Variants in ABCA7 observed in about 807,000 individuals in gnomAD.
ABCA7 encodes the protein ATP binding cassette subfamily A member 7, also known as phospholipid-transporting ATPase ABCA7.
ABCA7 carries 261 observed loss-of-function variants against 227.6 expected under a neutral mutation model. The observed-to-expected ratio is 1.15, with a 90% CI of 1.04 to 1.27. The LOEUF is 1.27. Ranked by LOEUF, ABCA7 falls within the 50% of genes most tolerant of loss-of-function variation. The pLI, the probability that ABCA7 is intolerant of heterozygous loss-of-function variation, is 0.00. For missense variants in ABCA7, 3,331 were observed against 2,924.5 expected, an observed-to-expected ratio of 1.14 and a Z score of -3.21; for synonymous variants, 1,488 against 1,279.7, an observed-to-expected ratio of 1.16 and a Z score of -3.47.
rs757123110 is a variant in ABCA7, at chr19:1,048,909, C to T, written c.2284C>T (p.Pro762Ser). The change falls in exon 17 of 47, where the codon CCT (proline) becomes TCT (serine). Residue 762 changes from proline to serine, a missense_variant. By Grantham distance (74) the Pro-to-Ser change is moderately conservative. Coordinates refer to ENST00000263094, the MANE Select transcript of ABCA7 (RefSeq NM_019112.4). ...CCTCCCCGCAGGCCAGTACGGGATC[C>T]CTGAACCATGGAATTTTCCTTTTCG... ...EAVCPGQYGI[P>S]EPWNFPFRRS... is the part of the protein sequence containing the mutation. 5 of 1,608,792 alleles carry T rather than the reference C, an allele frequency of 3.1e-6. No homozygotes were observed. In the Admixed American group the frequency reaches 6.7e-5, roughly 22 times the overall value.
At position 1,064,235 on chromosome 19, in the gene ABCA7, C is replaced by G; in HGVS notation, c.6026C>G (p.Pro2009Arg). The change falls in exon 45 of 47, where the codon CCG becomes CGG. Residue 2009 changes from proline to arginine, a missense_variant. By Grantham distance (103) the Pro-to-Arg change is moderately radical. Transcript: ENST00000263094. ...GGGCGGTTCCGCTGCCTGGGCAGCC[C>G]GCAACATCTCAAGGGCAGGTGAGCC... ...VNGRFRCLGS[P>R]QHLKGRFAAG... The G allele has an allele frequency of 6.4e-7, 1 of 1,565,118 alleles. No individual in the cohort carries two copies. Among genetic ancestry groups the G allele is most frequent in the Non-Finnish European group, 8.6e-7 (1 of 1,156,524 alleles).
Position 1,055,112 on chromosome 19 carries a change from A to G in ABCA7, c.3966A>G (p.Glu1322=). ...TTGTCTGCAGGTTCTCGGCACCAGAAGTTCCTGCTGAAGTGGCCAAGGTCT... is the reference window on the plus strand; with the variant it reads ...TTGTCTGCAGGTTCTCGGCACCAGAGGTTCCTGCTGAAGTGGCCAAGGTCT... ...QHSSHRFSAP[E]VPAEVAKVLA... is the part of the protein sequence containing the mutation. The change falls in exon 30 of 47, where the codon GAA becomes GAG. Residue 1322 remains glutamate, a synonymous_variant. Transcript: ENST00000263094. The G allele has an allele frequency of 6.2e-7, 1 of 1,612,186 alleles. No individual in the cohort carries two copies. Among genetic ancestry groups the G allele is most frequent in the South Asian group, 1.1e-5 (1 of 91,028 alleles).
chr19:1,049,212 G>C (rs1194721630), intron 17 of ABCA7, 54 bp from the exon 18 acceptor site: 3 of 1,533,768 alleles, frequency 2.0e-6, no homozygotes, highest in Non-Finnish European at 2.6e-6. Context: ...TGAGGGACTT[G>C]CAGGCCCCAG....
Position 1,042,093 on chromosome 19 carries a change from C to G in ABCA7, c.332C>G (p.Thr111Ser). 6.3e-7 allele frequency: 1 copy of G among 1,597,954 alleles called. No homozygotes were observed. The highest frequency in any genetic ancestry group is 1.1e-5 in the South Asian group (1 of 90,678). Residue 111 changes from threonine (T) to serine (S), a missense_variant, in exon 5 of 47, where the codon ACT (threonine) becomes AGT (serine). By Grantham distance (58) the Thr-to-Ser change is moderately conservative. Coordinates refer to ENST00000263094, the MANE Select transcript of ABCA7 (RefSeq NM_019112.4). ...LVSRLLADAR[T>S]VLGGASAHRT... ...TCCCGGCTGCTAGCCGATGCCCGCA[C>G]TGTGCTGGGAGGGGCCAGTGCCCAC...
intron 42 of ABCA7, among the ~76,000 whole-genome samples, chr19:1,062,956 C>G (rs1968458): frequency 0.54 from 34,859 of 64,830 alleles, 7,345 homozygotes; most frequent in Admixed American, 0.62. Context: ...TGGCCCCGCC[C>G]CATACTCATG....
In ABCA7 at chr19:1,065,188, G is replaced by A. The variant is rs768198243; in HGVS notation, c.6285+17G>A. 6.3e-7 allele frequency: 1 copy of A among 1,595,118 alleles called. No homozygotes were observed. The highest frequency in any genetic ancestry group is 1.3e-5 in the African/African-American group (1 of 74,696). On this transcript the variant is annotated intron_variant, in intron 46 of 46. Transcript: ENST00000263094. ...CTGGAGGAGGTGATCACGGCGCCGG[G>A]GTCGGGCTGGGGGAGGCAGGCTGGG... is the stretch of plus-strand genomic sequence containing the variant.
At chr19:1,062,051 G>C in intron 41 of ABCA7, 121 bp from the exon 42 acceptor site, 1 of 1,497,966 alleles carries the variant, frequency 6.7e-7, no homozygotes, top group Non-Finnish European at 9.0e-7. Context: ...ACCAGGCCCT[G>C]AGACACCCCT....
At chr19:1,043,676 G>A in intron 9 of ABCA7, 49 bp from the exon 10 acceptor site, 2 of 1,583,062 alleles carry the variant, frequency 1.3e-6, no homozygotes, top group Non-Finnish European at 1.7e-6. Context: ...GGTGGGCAGG[G>A]GTCCTCAGAG....
chr19:1,059,863 G>A (rs1381087788), intron 40 of ABCA7, among the ~76,000 whole-genome samples: 1 of 152,168 alleles, frequency 6.6e-6, no homozygotes, highest in Non-Finnish European at 1.5e-5. Flanking sequence ...CGTCTGGCCT[G>A]TGCATTTATC....
chr19:1,043,602 G>A, intron 9 of ABCA7, 123 bp from the exon 10 acceptor site: 1 of 1,560,462 alleles, frequency 6.4e-7, no homozygotes, highest in Non-Finnish European at 8.8e-7. Context: ...GTTAGCCGAT[G>A]GAGGGGGATC....
Position 1,056,218 on chromosome 19 carries a change from G to T in ABCA7, c.4391G>T (p.Ser1464Ile). Residue 1464 changes from serine to isoleucine, a missense_variant, in exon 32 of 47, where the codon AGC becomes ATC. Physicochemically the swap from Ser to Ile is moderately radical, Grantham distance 142. Coordinates refer to ENST00000263094, the MANE Select transcript of ABCA7 (RefSeq NM_019112.4). This position sits in a 1 kb window ranked among gnomAD's most constrained non-coding sequence, Gnocchi z 4.3. ...VLKNLTAWAH[S>I]LDAQDSLKIW... ...AAAAACCTCACAGCCTGGGCTCACA[G>T]CCTGGATGCTCAGGACAGTCTCAAG... 6.2e-7 allele frequency: 1 copy of T among 1,601,058 alleles called. No homozygotes were observed.
chr19:1,056,606 C>A lies in ABCA7; in HGVS notation c.4586+107C>A. 1 of 1,356,152 alleles carries A rather than the reference C, an allele frequency of 7.4e-7. No homozygotes were observed. 84.0% of individuals were successfully genotyped at this position (1,356,152 alleles called of 1,614,324 possible). A position where few individuals can be genotyped will look rare whatever the true frequency, so the allele number is the denominator to read the frequency against. On this transcript the variant is annotated intron_variant, in intron 33 of 46. Transcript: ENST00000263094. This position sits in a 1 kb window ranked among gnomAD's most constrained non-coding sequence, Gnocchi z 4.3. ...GGATTTGAACCCTGACACACTCTTG[C>A]TTTATAAATGGGGGATAGAAACTGT...
Position 1,059,709 on chromosome 19 carries a change from G to A in ABCA7, c.5463+624G>A, listed in dbSNP as rs746886366. ...CTCCCAGGTAGCTGGGACTGCAGGCGCCTGCCATCACGCCTGGCTAATTTT... is the reference window on the plus strand; with the variant it reads ...CTCCCAGGTAGCTGGGACTGCAGGCACCTGCCATCACGCCTGGCTAATTTT... On this transcript the variant is annotated intron_variant, in intron 40 of 46. Coordinates refer to ENST00000263094, the MANE Select transcript of ABCA7 (RefSeq NM_019112.4). Among the ~76,000 whole-genome samples the A allele has an allele frequency of 5.3e-5, 8 of 151,672 alleles. No individual in the cohort carries two copies. In the South Asian group the frequency reaches 6.2e-4, roughly 12 times the overall value.
At position 1,044,590 on chromosome 19, in the gene ABCA7, T is replaced by C. The variant is rs143296441; in HGVS notation, c.1061T>C (p.Met354Thr). Residue 354 changes from methionine to threonine, a missense_variant, in exon 11 of 47, where the codon ATG becomes ACG. Physicochemically the swap from Met to Thr is moderately conservative, Grantham distance 81. Coordinates refer to ENST00000263094, the MANE Select transcript of ABCA7 (RefSeq NM_019112.4). ...NVAMLQRLLQ[M>T]QDEGRRQPRP... ...TGCGCCCCCCAGCGGCTCCTGCAGA[T>C]GCAGGATGAAGGAAGAAGGCAGCCC... 3.7e-4 allele frequency: 596 copies of C among 1,612,190 alleles called. 4 individuals carry two copies. In the East Asian group the frequency reaches 8.2e-3, roughly 22 times the overall value.
At position 1,049,314 on chromosome 19, in the gene ABCA7, G is replaced by A. The variant is rs140454592; in HGVS notation, c.2429G>A (p.Arg810His). The A allele has an allele frequency of 1.4e-5, 22 of 1,611,330 alleles. No individual in the cohort carries two copies. The highest frequency in any genetic ancestry group is 2.2e-5 in the East Asian group (1 of 44,864). The stretch of plus-strand genomic sequence containing the variant: ...GGCCTGAGTCCTGGCGTCTCCGTTC[G>A]CAGCCTGGAGAAGCGCTTTCCTGGA... Reference protein sequence around the residue: ...PPGLSPGVSVRSLEKRFPGSP... With the variant: ...PPGLSPGVSVHSLEKRFPGSP... The change falls in exon 18 of 47, where the codon CGC (arginine) becomes CAC (histidine). Residue 810 changes from arginine to histidine, a missense_variant. Transcript: ENST00000263094.
intron 34 of ABCA7, 109 bp downstream of exon 34, chr19:1,057,193 G>T (rs2042331618): frequency 1.1e-5 from 17 of 1,547,960 alleles, no homozygotes; most frequent in Non-Finnish European, 1.5e-5. Flanking sequence ...AAGTCTTGAG[G>T]ATTGTGGGAG....
In ABCA7 at chr19:1,061,047, T is replaced by G. The variant is rs1599717243; in HGVS notation, c.5464-735T>G. ...TTATGCCTCGCTACATACCCCAATA[T>G]CTGCCTAGCTCCCCCGGGGCCCCAC... On this transcript the variant is annotated intron_variant, in intron 40 of 46. Coordinates refer to ENST00000263094, the MANE Select transcript of ABCA7 (RefSeq NM_019112.4). 3.3e-5 allele frequency among the ~76,000 whole-genome samples: 5 copies of G among 152,056 alleles called. No individual in the cohort carries two copies. The South Asian group carries it at 1.0e-3, about 31-fold the overall frequency.
At position 1,056,931 on chromosome 19, in the gene ABCA7, C is replaced by T. The variant is rs146414455; in HGVS notation, c.4611C>T (p.Leu1537=). Residue 1537 remains leucine (L), a synonymous_variant, in exon 34 of 47, where the codon CTC becomes CTT. Transcript: ENST00000263094. This position sits in a 1 kb window ranked among gnomAD's most constrained non-coding sequence, Gnocchi z 4.3. Reference sequence around the variant, plus strand: ...GGATGGCCTCCTCGGTGGACGTCCTCGTCTCCATCTGTGTGGTCTTTGCCA... The same window carrying T: ...GGATGGCCTCCTCGGTGGACGTCCTTGTCTCCATCTGTGTGGTCTTTGCCA... ...GALMASSVDV[L]VSICVVFAMS... 6.8e-6 allele frequency: 11 copies of T among 1,613,714 alleles called. No homozygotes were observed. The highest frequency in any genetic ancestry group is 2.7e-5 in the African/African-American group (2 of 74,916).
intron 11 of ABCA7, 99 bp from the exon 12 acceptor site, chr19:1,044,903 G>T: frequency 6.6e-7 from 1 of 1,519,400 alleles, no homozygotes. Flanking sequence ...GGCCTACGAG[G>T]GGAAAACATG....
Sources: gnomAD v4.1 joint callset for allele counts (sites outside exome capture counted in the v4.1 genomes callset) on GRCh38, gnomAD v4.1.1 for gene constraint, Gnocchi (gnomAD v3.1) non-coding constraint, MANE v1.5 for transcripts, NCBI Gene and HGNC (gene_info 2026-07-23, HGNC 2026-07-21) for gene names.